Variants in CIBAR1 observed in about 807,000 individuals in gnomAD.
CIBAR1 encodes the protein CBY1-interacting BAR domain-containing protein 1.
Under a neutral mutation model 44.0 loss-of-function variants are expected in CIBAR1, and 25 were observed. The observed-to-expected ratio is 0.57, with a 90% confidence interval of 0.41 to 0.79. The LOEUF is 0.79. Ranked by LOEUF, CIBAR1 falls within the 30% of genes least tolerant of loss-of-function variation. The pLI is 0.00. For synonymous variants in CIBAR1, 115 were observed against 119.0 expected (o/e 0.97, Z 0.22); for missense variants, 278 against 344.8 (o/e 0.81, Z 1.53).
In CIBAR1 at chr8:93,729,229, TAAAG is replaced by T. The variant is rs1239995325; in HGVS notation, c.*934_*937del. 2.0e-5 allele frequency: 3 copies of T among 152,078 alleles called. No homozygotes were observed. The highest frequency in any genetic ancestry group is 3.8e-4 in the East Asian group (2 of 5,202). The allele number at this position is 152,078 out of a possible 1,614,324, so 9.4% of individuals were successfully genotyped here. On this transcript the variant is annotated 3_prime_UTR_variant, in exon 9 of 9. Transcript: ENST00000518322. ...AATGCAATTATTCATAACAGAAAAA[TAAAG>T]ACTTTCTAGAAAGCTTCTGACTTTG...
At chr8:93,722,267 AAGAC>A (rs2130369746) in intron 7 of CIBAR1, among the ~76,000 whole-genome samples, 1 of 152,358 alleles carries the variant, frequency 6.6e-6, no homozygotes, top group South Asian at 2.1e-4. Flanking sequence ...CATGCAGAAA[AAGAC>A]AGAAATAACT....
Position 93,701,454 on chromosome 8 carries a change from C to T in CIBAR1, c.257C>T (p.Ala86Val). 6.2e-7 allele frequency: 1 copy of T among 1,612,440 alleles called. No individual in the cohort carries two copies. The highest frequency in any genetic ancestry group is 1.7e-5 in the Admixed American group (1 of 59,810). Reference protein sequence around the residue: ...EFAKLQDYRQAEVERLEAKVV... With the variant: ...EFAKLQDYRQVEVERLEAKVV... ...GCCAAACTTCAGGATTATCGACAAG[C>T]AGAGGTATGGAGTGAGATCACAGTG... The change falls in exon 2 of 9, where the codon GCA (alanine) becomes GTA (valine). Residue 86 changes from alanine (A) to valine (V), a missense_variant. Coordinates refer to ENST00000518322, the MANE Select transcript of CIBAR1 (RefSeq NM_145269.5).
Position 93,700,625 on chromosome 8 carries a change from TC to T in CIBAR1, c.-19del, listed in dbSNP as rs1810297853. The T allele has an allele frequency of 4.0e-6, 6 of 1,497,008 alleles. No homozygotes were observed. Among genetic ancestry groups the T allele is most frequent in the Middle Eastern group, 2.0e-4 (1 of 5,070 alleles). 92.7% of individuals were successfully genotyped at this position (1,497,008 alleles called of 1,614,324 possible). A position where few individuals can be genotyped will look rare whatever the true frequency, so the allele number is the denominator to read the frequency against. On this transcript the variant is annotated 5_prime_UTR_variant, in exon 1 of 9. Coordinates refer to ENST00000518322, the MANE Select transcript of CIBAR1 (RefSeq NM_145269.5). ...TCCCCGTCCTTGGGCCCCCGCAAGG[TC>T]CCCGGCCGTGCGCGAGGCAGCATGA...
chr8:93,700,979 G>GGAGCAGCCA lies in CIBAR1; in HGVS notation c.27-244_27-236dup. On this transcript the variant is annotated intron_variant, in intron 1 of 8. Transcript: ENST00000518322. ...CCAGGCCGCGCTGCGCGGAGCAGCC[G>GGAGCAGCCA]GAGCAGCCACCTCCCCAGTTAAGGC... 3.6e-6 allele frequency: 5 copies of GGAGCAGCCA among 1,389,800 alleles called. No homozygotes were observed. In the South Asian group the frequency reaches 7.1e-5, roughly 20 times the overall value. The allele number at this position is 1,389,800 out of a possible 1,614,324, so 86.1% of individuals were successfully genotyped here.
At chr8:93,723,802 G>A (rs973898009) in intron 7 of CIBAR1, among the ~76,000 whole-genome samples, 1 of 152,122 alleles carries the variant, frequency 6.6e-6, no homozygotes, top group Non-Finnish European at 1.5e-5. Flanking sequence ...GAAAGATGGC[G>A]TTTTACATTG....
chr8:93,709,925 T>TA (rs746193366), intron 6 of CIBAR1, 50 bp downstream of exon 6: 3 of 1,362,454 alleles, frequency 2.2e-6, no homozygotes, highest in Non-Finnish European at 2.0e-6. Flanking sequence ...CCTTTTTTTT[T>TA]ACTTTAATGA....
At chr8:93,716,314 G>A (rs186617923) in intron 6 of CIBAR1, among the ~76,000 whole-genome samples, 1 of 151,050 alleles carries the variant, frequency 6.6e-6, no homozygotes, top group African/African-American at 2.4e-5. Flanking sequence ...AAAGTGCCAG[G>A]ATTACAGGCA....
chr8:93,729,574 C>G lies in CIBAR1; in HGVS notation c.*1277C>G, dbSNP rs915039373. On this transcript the variant is annotated 3_prime_UTR_variant, in exon 9 of 9. Coordinates refer to ENST00000518322, the MANE Select transcript of CIBAR1 (RefSeq NM_145269.5). ...ATTCTGGAATAAAACATACATTCTG[C>G]CTACCTCAAAGAAATATTCTAAGAA... 2 of 152,118 alleles carry G rather than the reference C, an allele frequency of 1.3e-5. No homozygotes were observed. Among genetic ancestry groups the G allele is most frequent in the Non-Finnish European group, 2.9e-5 (2 of 67,998 alleles). 9.4% of individuals were successfully genotyped at this position (152,118 alleles called of 1,614,324 possible). A position where few individuals can be genotyped will look rare whatever the true frequency, so the allele number is the denominator to read the frequency against.
intron 6 of CIBAR1, among the ~76,000 whole-genome samples, chr8:93,716,627 A>G (rs1242434573): frequency 1.3e-5 from 2 of 152,124 alleles, no homozygotes; most frequent in Non-Finnish European, 2.9e-5. Context: ...TTTACTGCTT[A>G]GTGTTTTTGC....
At chr8:93,723,242 C>T (rs191066156) in intron 7 of CIBAR1, among the ~76,000 whole-genome samples, 17 of 152,280 alleles carry the variant, frequency 1.1e-4, no homozygotes, top group South Asian at 4.1e-4. Flanking sequence ...ATGATCCGCC[C>T]GCCTTGGCCT....
At position 93,704,158 on chromosome 8, in the gene CIBAR1, T is replaced by C. The variant is rs981559868; in HGVS notation, c.330+470T>C. ...ATCTTTAAGAATAATGAAATAGTTT[T>C]AATGAGCTTATTAAGTATACTGTAG... On this transcript the variant is annotated intron_variant, in intron 3 of 8. Coordinates refer to ENST00000518322, the MANE Select transcript of CIBAR1 (RefSeq NM_145269.5). Among the ~76,000 whole-genome samples the C allele has an allele frequency of 1.8e-4, 28 of 152,172 alleles. 1 individual carries two copies. Among genetic ancestry groups the C allele is most frequent in the Admixed American group, 1.8e-3 (28 of 15,272 alleles).
chr8:93,726,175 T>G (rs988125696), intron 7 of CIBAR1: 1 of 408,092 alleles, frequency 2.5e-6, no homozygotes, highest in Admixed American at 4.1e-5. Flanking sequence ...AATTACTGTT[T>G]AATATCTGTC....
intron 7 of CIBAR1, chr8:93,725,803 T>G (rs994594151): frequency 6.6e-6 from 1 of 152,196 alleles, no homozygotes; most frequent in Non-Finnish European, 1.5e-5. Context: ...GAGATTCATA[T>G]CTGATAACCT....
intron 7 of CIBAR1, among the ~76,000 whole-genome samples, chr8:93,721,408 AT>A (rs1212614913): frequency 6.6e-6 from 1 of 152,024 alleles, no homozygotes; most frequent in Admixed American, 6.6e-5. Context: ...GGTCCTAGAT[AT>A]TTTTTTGTCA....
chr8:93,720,598 C>T (rs1811225435), intron 7 of CIBAR1, among the ~76,000 whole-genome samples: 1 of 152,152 alleles, frequency 6.6e-6, no homozygotes. Context: ...AGGCCAGGCA[C>T]AGTGGCCCAC....
At chr8:93,702,105 A>G (rs1384227482) in intron 2 of CIBAR1, 3 of 272,820 alleles carry the variant, frequency 1.1e-5, no homozygotes, top group Non-Finnish European at 2.2e-5. Context: ...GTTTCACGGC[A>G]TAGGTTAACT....
chr8:93,721,060 G>A (rs907988635), intron 7 of CIBAR1: 7 of 152,146 alleles, frequency 4.6e-5, no homozygotes, highest in Non-Finnish European at 8.8e-5. Context: ...GCACAGTGAG[G>A]TTAAGAAACT....
Position 93,718,886 on chromosome 8 carries a change from CAG to C in CIBAR1, c.657+101_657+102del, listed in dbSNP as rs1012315067. On this transcript the variant is annotated intron_variant, in intron 7 of 8. Coordinates refer to ENST00000518322, the MANE Select transcript of CIBAR1 (RefSeq NM_145269.5). Reference sequence around the variant, plus strand: ...ATTAATATCTTTTTTTTTTTTGAGACAGAGTCTCACTCTGTTGCCCAAGTTGG... The same window carrying C: ...ATTAATATCTTTTTTTTTTTTGAGACAGTCTCACTCTGTTGCCCAAGTTGG... 41 of 689,178 alleles carry C rather than the reference CAG, an allele frequency of 5.9e-5. No homozygotes were observed. In the South Asian group the frequency reaches 6.4e-4, roughly 11 times the overall value. 42.7% of individuals were successfully genotyped at this position (689,178 alleles called of 1,614,324 possible).
At chr8:93,701,996 T>A in intron 2 of CIBAR1, 1 of 219,622 alleles carries the variant, frequency 4.6e-6, no homozygotes, top group Non-Finnish European at 9.2e-6. Flanking sequence ...CTTTTTGCTC[T>A]GGGTAGCAGG....
Sources: gnomAD v4.1 joint callset for allele counts (sites outside exome capture counted in the v4.1 genomes callset) on GRCh38, gnomAD v4.1.1 for gene constraint, MANE v1.5 for transcripts, NCBI Gene and HGNC (gene_info 2026-07-23, HGNC 2026-07-21) for gene names.